The following FRMD4A variants were observed in gnomAD, a reference collection of about 807,000 sequenced individuals.
FRMD4A encodes FERM domain containing 4A.
In FRMD4A, 29 loss-of-function variants were observed where a neutral mutation model predicts 129.1. That is an observed-to-expected ratio of 0.22 (90% CI 0.17 to 0.31). The LOEUF (loss-of-function observed/expected upper bound fraction) is 0.31. Among genes scored for constraint, FRMD4A ranks in the 10% least tolerant of loss-of-function variants. FRMD4A has a pLI of 1.00. For synonymous variants in FRMD4A, 634 were observed against 571.6 expected (o/e 1.11, Z -1.56); for missense variants, 1,272 against 1,375.8 (o/e 0.92, Z 1.19).
intron 3 of FRMD4A, among the ~76,000 whole-genome samples, chr10:13,820,521 C>T (rs1441753897): frequency 6.7e-6 from 1 of 150,324 alleles, no homozygotes; most frequent in Non-Finnish European, 1.5e-5. Flanking sequence ...AAAGAGTTGC[C>T]ACTTCTGAGT....
chr10:14,063,492 T>C (rs941498573), intron 2 of FRMD4A, among the ~76,000 whole-genome samples: 1 of 152,040 alleles, frequency 6.6e-6, no homozygotes, highest in Non-Finnish European at 1.5e-5. Context: ...TCAAGGAACA[T>C]AGCCCAAATT....
At chr10:13,786,207 A>C (rs1223896068) in intron 5 of FRMD4A, among the ~76,000 whole-genome samples, 1 of 152,244 alleles carries the variant, frequency 6.6e-6, no homozygotes, top group East Asian at 1.9e-4. Flanking sequence ...ACTGTCTTCC[A>C]CAATGGTTGA....
At chr10:13,869,773 G>A (rs2094418813) in intron 2 of FRMD4A, among the ~76,000 whole-genome samples, 1 of 152,158 alleles carries the variant, frequency 6.6e-6, no homozygotes, top group Admixed American at 6.5e-5. Context: ...CTGAAAACGG[G>A]ATTTTCTTTA....
intron 2 of FRMD4A, among the ~76,000 whole-genome samples, chr10:13,867,725 A>G (rs183932857): frequency 0.49 from 57,573 of 117,658 alleles, 13,368 homozygotes; most frequent in East Asian, 0.61. Context: ...ATAATATAAT[A>G]TATAATAAAT....
At chr10:13,985,953 G>A (rs1411885536) in intron 2 of FRMD4A, among the ~76,000 whole-genome samples, 1 of 152,222 alleles carries the variant, frequency 6.6e-6, no homozygotes, top group Non-Finnish European at 1.5e-5. Flanking sequence ...GGCTCCAAAC[G>A]AAGCCCCTCC....
At chr10:13,658,517 C>A (rs1322939080) in intron 21 of FRMD4A, among the ~76,000 whole-genome samples, 2 of 152,358 alleles carry the variant, frequency 1.3e-5, no homozygotes, top group African/African-American at 2.4e-5. Context: ...CCACTTCCGA[C>A]TGCCACTCAG....
At chr10:13,655,248 A>G (rs890501312) in intron 22 of FRMD4A, 2 of 152,234 alleles carry the variant, frequency 1.3e-5, no homozygotes, top group African/African-American at 4.8e-5. Flanking sequence ...AGTCTAAAAT[A>G]TGTTCCAAAA....
At chr10:13,993,686 G>C (rs1225459831) in intron 2 of FRMD4A, among the ~76,000 whole-genome samples, 1 of 152,306 alleles carries the variant, frequency 6.6e-6, no homozygotes, top group South Asian at 2.1e-4. Flanking sequence ...TAGACCAGAG[G>C]TTCAGTTGCT....
chr10:13,814,653 GAGAC>G lies in FRMD4A; in HGVS notation c.112-3749_112-3746del, dbSNP rs2093510420. Among the ~76,000 whole-genome samples, 9 of 142,580 alleles carry G rather than the reference GAGAC, an allele frequency of 6.3e-5. No homozygotes were observed. The South Asian group carries it at 1.3e-3, about 21-fold the overall frequency. The allele number at this position is 142,580 out of a possible 152,430, so 93.5% of individuals were successfully genotyped here. ...GAGAAAAAAAAGAAAGAAAGAAAGAGAGACAGAAACAGAGAGCAAGAGAAAGAAA... is the reference window on the plus strand; with the variant it reads ...GAGAAAAAAAAGAAAGAAAGAAAGAGAGAAACAGAGAGCAAGAGAAAGAAA... On this transcript the variant is annotated intron_variant, in intron 3 of 24. Transcript: ENST00000357447.
chr10:14,231,952 A>G (rs1327999109), intron 2 of FRMD4A, among the ~76,000 whole-genome samples: 1 of 152,076 alleles, frequency 6.6e-6, no homozygotes, highest in African/African-American at 2.4e-5. Flanking sequence ...CCACTTGTCA[A>G]TTTTGTTTTC....
At chr10:13,939,363 G>A (rs896066435) in intron 2 of FRMD4A, among the ~76,000 whole-genome samples, 1 of 152,184 alleles carries the variant, frequency 6.6e-6, no homozygotes, top group Non-Finnish European at 1.5e-5. Flanking sequence ...GGTAAAAGCT[G>A]TAATGCATTA....
At chr10:14,152,131 T>C (rs1361393026) in intron 2 of FRMD4A, among the ~76,000 whole-genome samples, 2 of 131,668 alleles carry the variant, frequency 1.5e-5, no homozygotes. Flanking sequence ...TTTTTTTTTT[T>C]TTTTTTTTTT....
chr10:13,965,806 T>C (rs1288257895), intron 2 of FRMD4A, among the ~76,000 whole-genome samples: 1 of 152,216 alleles, frequency 6.6e-6, no homozygotes, highest in Non-Finnish European at 1.5e-5. Context: ...CTTCTCTCTC[T>C]GTAGAAAATG....
chr10:14,083,783 T>A (rs1343897629), intron 2 of FRMD4A: 2 of 152,100 alleles, frequency 1.3e-5, no homozygotes, highest in Non-Finnish European at 2.9e-5. Context: ...AAGACAGAAA[T>A]AAAACAGAAA....
Position 14,100,706 on chromosome 10 carries a change from CAT to C in FRMD4A, c.45+229350_45+229351del, listed in dbSNP as rs144631125. Among the ~76,000 whole-genome samples the C allele has an allele frequency of 5.6e-4, 84 of 149,986 alleles. 1 individual carries two copies. Among genetic ancestry groups the C allele is most frequent in the South Asian group, 4.2e-4 (2 of 4,730 alleles). On this transcript the variant is annotated intron_variant, in intron 2 of 24. Transcript: ENST00000357447. ...AGATTATTTCATGCTGAAAATAGAA[CAT>C]ATATATATATATATTTCTGATTGAT...
intron 2 of FRMD4A, among the ~76,000 whole-genome samples, chr10:14,187,441 T>C (rs1343805666): frequency 6.6e-6 from 1 of 152,192 alleles, no homozygotes; most frequent in Non-Finnish European, 1.5e-5. Context: ...ATATATGTCC[T>C]TTGTAAATAA....
At chr10:13,730,409 C>G (rs539634237) in intron 12 of FRMD4A, among the ~76,000 whole-genome samples, 1 of 152,096 alleles carries the variant, frequency 6.6e-6, no homozygotes, top group African/African-American at 2.4e-5. Flanking sequence ...GCCCGAAACC[C>G]GTGGGATACC....
chr10:13,957,442 A>G (rs2095416474), intron 2 of FRMD4A, among the ~76,000 whole-genome samples: 1 of 151,982 alleles, frequency 6.6e-6, no homozygotes, highest in Non-Finnish European at 1.5e-5. Context: ...TTTAGTAGAG[A>G]CAGGGTTTCA....
chr10:13,742,594 G>A (rs2091071781), intron 9 of FRMD4A, among the ~76,000 whole-genome samples: 1 of 152,188 alleles, frequency 6.6e-6, no homozygotes, highest in African/African-American at 2.4e-5. Flanking sequence ...CTGACTCACT[G>A]CAACCTCCAT....
Sources: gnomAD v4.1 joint callset for allele counts (sites outside exome capture counted in the v4.1 genomes callset) on GRCh38, gnomAD v4.1.1 for gene constraint, MANE v1.5 for transcripts, NCBI Gene and HGNC (gene_info 2026-07-23, HGNC 2026-07-21) for gene names.